GRID2: variants seen among roughly 807,000 people sequenced by gnomAD.
The protein encoded by GRID2 is glutamate ionotropic receptor delta type subunit 2.
Under a neutral mutation model 114.8 loss-of-function variants are expected in GRID2, and 33 were observed. The ratio of observed to expected loss-of-function variants is 0.29; its 90% CI spans 0.22 to 0.38. The LOEUF (loss-of-function observed/expected upper bound fraction) is 0.38. Ranked by LOEUF, GRID2 falls within the 10% of genes least tolerant of loss-of-function variation. The pLI is 1.00. For synonymous variants in GRID2, 505 were observed against 449.9 expected, an observed-to-expected ratio of 1.12 and a Z score of -1.55; for missense variants, 1,184 against 1,257.7, an observed-to-expected ratio of 0.94 and a Z score of 0.89.
intron 14 of GRID2, among the ~76,000 whole-genome samples, chr4:93,686,075 C>CT (rs1274397853): frequency 6.6e-6 from 1 of 151,932 alleles, no homozygotes; most frequent in African/African-American, 2.4e-5. Context: ...CTATTTCACC[C>CT]TATTTCTAAT....
intron 2 of GRID2, among the ~76,000 whole-genome samples, chr4:92,813,897 T>C (rs1213397121): frequency 1.3e-5 from 2 of 152,160 alleles, no homozygotes; most frequent in African/African-American, 2.4e-5. Context: ...GATCTTACCA[T>C]ATATTTCTAG....
At chr4:93,727,594 C>T (rs746115759) in intron 14 of GRID2, among the ~76,000 whole-genome samples, 8 of 152,090 alleles carry the variant, frequency 5.3e-5, no homozygotes, top group South Asian at 2.1e-4. Flanking sequence ...TGGTAGAATT[C>T]GGCTGTGAAT....
At chr4:93,438,264 G>A (rs1298788563) in intron 10 of GRID2, among the ~76,000 whole-genome samples, 1 of 152,078 alleles carries the variant, frequency 6.6e-6, no homozygotes, top group Non-Finnish European at 1.5e-5. Flanking sequence ...AAATGCCATA[G>A]GGTAATACAT....
chr4:93,202,816 A>G (rs1409605679), intron 4 of GRID2, among the ~76,000 whole-genome samples: 1 of 152,180 alleles, frequency 6.6e-6, no homozygotes, highest in African/African-American at 2.4e-5. Context: ...ATTTGATAAT[A>G]CATGAGAAGC....
intron 2 of GRID2, among the ~76,000 whole-genome samples, chr4:93,044,603 A>T (rs1725946845): frequency 6.6e-6 from 1 of 152,068 alleles, no homozygotes; most frequent in Admixed American, 6.6e-5. Context: ...AAAATAGGAG[A>T]TTTTGTTATT....
At chr4:93,085,867 A>T (rs962261986) in intron 3 of GRID2, among the ~76,000 whole-genome samples, 1 of 152,274 alleles carries the variant, frequency 6.6e-6, no homozygotes, top group Admixed American at 6.5e-5. Flanking sequence ...AAAATTCTTT[A>T]ATCTTCCAAG....
At chr4:93,175,886 T>C (rs1348191812) in intron 4 of GRID2, among the ~76,000 whole-genome samples, 1 of 152,112 alleles carries the variant, frequency 6.6e-6, no homozygotes, top group Non-Finnish European at 1.5e-5. Context: ...CAAAGCACCA[T>C]GTGAGGATAA....
chr4:93,560,254 CAGAA>C (rs1184306475), intron 13 of GRID2, among the ~76,000 whole-genome samples: 1 of 52,938 alleles, frequency 1.9e-5, no homozygotes, highest in African/African-American at 7.3e-5. Context: ...AAAAAAAAAA[CAGAA>C]AGAAATACCT....
At chr4:93,234,229 A>G (rs894972765) in intron 7 of GRID2, among the ~76,000 whole-genome samples, 2 of 152,124 alleles carry the variant, frequency 1.3e-5, no homozygotes, top group African/African-American at 4.8e-5. Context: ...ACCAAGATAC[A>G]CTCCAGCTTC....
intron 2 of GRID2, among the ~76,000 whole-genome samples, chr4:93,055,516 T>C (rs943312532): frequency 2.6e-5 from 4 of 151,918 alleles, no homozygotes; most frequent in Non-Finnish European, 5.9e-5. Flanking sequence ...ACTTAAAGTA[T>C]AATTAAACAA....
chr4:93,285,933 T>C (rs1753109984), intron 8 of GRID2, among the ~76,000 whole-genome samples: 1 of 152,052 alleles, frequency 6.6e-6, no homozygotes. Flanking sequence ...AAGTGATTTT[T>C]AGTCTACTTA....
intron 4 of GRID2, among the ~76,000 whole-genome samples, chr4:93,169,818 A>G (rs2149420316): frequency 6.6e-6 from 1 of 152,310 alleles, no homozygotes; most frequent in South Asian, 2.1e-4. Context: ...AATTTCACCT[A>G]AATGTAATTG....
chr4:92,479,695 G>C (rs904938826), intron 1 of GRID2, among the ~76,000 whole-genome samples: 1 of 152,088 alleles, frequency 6.6e-6, no homozygotes, highest in Non-Finnish European at 1.5e-5. Flanking sequence ...ATTTTATTTG[G>C]TGAATCAGGA....
At chr4:93,375,506 T>C (rs1236352659) in intron 8 of GRID2, among the ~76,000 whole-genome samples, 1 of 152,066 alleles carries the variant, frequency 6.6e-6, no homozygotes, top group Non-Finnish European at 1.5e-5. Context: ...CCACCGCGCC[T>C]GGCCAGGAGT....
At chr4:93,660,875 T>C (rs1361326737) in intron 14 of GRID2, among the ~76,000 whole-genome samples, 1 of 152,102 alleles carries the variant, frequency 6.6e-6, no homozygotes, top group African/African-American at 2.4e-5. Context: ...AGAGGGCATT[T>C]AGAAAGCCCC....
At chr4:93,435,652 A>G (rs1276241974) in intron 10 of GRID2, among the ~76,000 whole-genome samples, 4 of 152,206 alleles carry the variant, frequency 2.6e-5, no homozygotes, top group Non-Finnish European at 5.9e-5. Flanking sequence ...TTGATGAAAT[A>G]GATAGTTAAT....
chr4:93,456,269 C>T (rs1037427767), intron 11 of GRID2, among the ~76,000 whole-genome samples: 5 of 152,106 alleles, frequency 3.3e-5, no homozygotes, highest in Non-Finnish European at 7.4e-5. Flanking sequence ...TTTTCCTCTC[C>T]AAACTCTGAC....
intron 1 of GRID2, among the ~76,000 whole-genome samples, chr4:92,434,147 G>A (rs2110345734): frequency 6.6e-6 from 1 of 152,242 alleles, no homozygotes; most frequent in Middle Eastern, 3.4e-3. Flanking sequence ...AAGTGGAGCG[G>A]CTATTCCAGA....
intron 3 of GRID2, among the ~76,000 whole-genome samples, chr4:93,100,123 G>A (rs1368832558): frequency 6.6e-6 from 1 of 151,918 alleles, no homozygotes; most frequent in East Asian, 1.9e-4. Flanking sequence ...TATATATGAT[G>A]TTAAGTAGGT....
Sources: gnomAD v4.1 joint callset for allele counts (sites outside exome capture counted in the v4.1 genomes callset) on GRCh38, gnomAD v4.1.1 for gene constraint, MANE v1.5 for transcripts, NCBI Gene and HGNC (gene_info 2026-07-23, HGNC 2026-07-21) for gene names.